The following PLAGL1 variants were observed in gnomAD, a reference collection of about 807,000 sequenced individuals.
The protein encoded by PLAGL1 is zinc finger protein PLAGL1.
A neutral mutation model predicts 4.6 loss-of-function variants in PLAGL1; 1 was observed. The observed-to-expected ratio is 0.22, with a 90% confidence interval of 0.08 to 1.03. The LOEUF (loss-of-function observed/expected upper bound fraction) is 1.03, where lower values mean the gene tolerates loss of function less well. Ranked by LOEUF, PLAGL1 falls within the 50% of genes least tolerant of loss-of-function variation. The pLI, the probability that PLAGL1 is intolerant of heterozygous loss-of-function variation, is 0.58. For synonymous variants in PLAGL1, 240 were observed against 237.8 expected (o/e 1.01, Z -0.08); for missense variants, 464 against 570.4 (o/e 0.81, Z 1.90).
rs1781446199 is a variant in PLAGL1 at position 143,953,302 on chromosome 6, A to G, written c.-324-4842T>C. 6.6e-6 allele frequency among the ~76,000 whole-genome samples: 1 copy of G among 152,226 alleles called. No homozygotes were observed. On this transcript the variant is annotated intron_variant, in intron 6 of 7. Transcript: ENST00000674357. This position sits in a 1 kb window ranked among gnomAD's most constrained non-coding sequence, Gnocchi z 5.3. The stretch of plus-strand genomic sequence containing the variant: ...TCTGCTCTGAGAGAGCCACCTGCTG[A>G]GCCATCAGGTTTGTTGCCTATAGAT...
chr6:143,991,242 A>G lies in PLAGL1; in HGVS notation c.-583-6068T>C, dbSNP rs540026565. 4.7e-4 allele frequency among the ~76,000 whole-genome samples: 72 copies of G among 152,308 alleles called. 1 individual carries two copies. The South Asian group carries it at 0.011, about 24-fold the overall frequency. Reference sequence around the variant, plus strand: ...TGATGAGGATTTTAATTTACCATACATCTAAATATTTATGTTATAAATTAT... The same window carrying G: ...TGATGAGGATTTTAATTTACCATACGTCTAAATATTTATGTTATAAATTAT... On this transcript the variant is annotated intron_variant, in intron 1 of 7. Transcript: ENST00000674357.
chr6:143,982,836 G>A lies in PLAGL1; in HGVS notation c.-544+2299C>T, dbSNP rs563594544. Among the ~76,000 whole-genome samples, 1 of 152,256 alleles carries A rather than the reference G, an allele frequency of 6.6e-6. No homozygotes were observed. The highest frequency in any genetic ancestry group is 1.9e-4 in the East Asian group (1 of 5,186). On this transcript the variant is annotated intron_variant, in intron 2 of 7. Transcript: ENST00000674357. The surrounding 1 kb of genome is among the most constrained non-coding windows in gnomAD (Gnocchi z 5.3). ...TACTTAGGATGAAGGAAGTTTGGTT[G>A]GGAACAGAGAAGAACTCAGGAGCTC...
chr6:143,999,540 T>A (rs542499429), intron 1 of PLAGL1, among the ~76,000 whole-genome samples: 2 of 152,370 alleles, frequency 1.3e-5, no homozygotes, highest in Non-Finnish European at 2.9e-5. Context: ...ATGCAAGAGC[T>A]ATCTCTATCT....
Position 144,015,766 on chromosome 6 carries a change from G to A in PLAGL1, c.-150-46788C>T, listed in dbSNP as rs921191636. On this transcript the variant is annotated intron_variant, in intron 1 of 3. Coordinates refer to the PLAGL1 transcript ENST00000437412. The surrounding 1 kb of genome is among the most constrained non-coding windows in gnomAD (Gnocchi z 4.3). ...ACAATGTGGAAAAACTGGAACTCTC[G>A]CACATTGCTAGAAGAAATATAAAAT... Among the ~76,000 whole-genome samples, 4 of 152,104 alleles carry A rather than the reference G, an allele frequency of 2.6e-5. No individual in the cohort carries two copies. Among genetic ancestry groups the A allele is most frequent in the Middle Eastern group, 3.2e-3 (1 of 316 alleles).
At chr6:144,044,599 T>C (rs1362970692) in intron 1 of PLAGL1, among the ~76,000 whole-genome samples, 1 of 152,194 alleles carries the variant, frequency 6.6e-6, no homozygotes, top group African/African-American at 2.4e-5. Flanking sequence ...TACTTCCAAC[T>C]GGTCAACTTT....
In PLAGL1 at chr6:144,048,207, C is replaced by T. The variant is rs1173703790; in HGVS notation, c.-151+16261G>A. On this transcript the variant is annotated intron_variant, in intron 1 of 3. Coordinates refer to the PLAGL1 transcript ENST00000437412. This position sits in a 1 kb window ranked among gnomAD's most constrained non-coding sequence, Gnocchi z 4.8. Reference sequence around the variant, plus strand: ...TGGCTTTGCAGGGTACGGCCTCCCTCTTGGCTGCTTTCATGGGCTGGCATT... The same window carrying T: ...TGGCTTTGCAGGGTACGGCCTCCCTTTTGGCTGCTTTCATGGGCTGGCATT... 6.6e-6 allele frequency among the ~76,000 whole-genome samples: 1 copy of T among 152,244 alleles called. No individual in the cohort carries two copies. Among genetic ancestry groups the T allele is most frequent in the Non-Finnish European group, 1.5e-5 (1 of 68,032 alleles).
At chr6:143,998,843 C>T (rs1398691139) in intron 1 of PLAGL1, among the ~76,000 whole-genome samples, 3 of 152,000 alleles carry the variant, frequency 2.0e-5, no homozygotes, top group African/African-American at 7.3e-5. Context: ...GAGAGTGAAA[C>T]CTTTAGGGGC....
rs1361520310 is a variant in PLAGL1 at position 143,954,810 on chromosome 6, T to C, written c.-325+5659A>G. Among the ~76,000 whole-genome samples the C allele has an allele frequency of 1.3e-5, 2 of 152,182 alleles. No homozygotes were observed. Among genetic ancestry groups the C allele is most frequent in the African/African-American group, 2.4e-5 (1 of 41,438 alleles). ...ATTTATTTGCAGAGGAATGTCGATA[T>C]AGAAAATCCCAAAGAATCCACACAC... On this transcript the variant is annotated intron_variant, in intron 6 of 7. Transcript: ENST00000674357. The surrounding 1 kb of genome is among the most constrained non-coding windows in gnomAD (Gnocchi z 5.1).
At chr6:143,988,840 G>A (rs1011139418) in intron 1 of PLAGL1, among the ~76,000 whole-genome samples, 9 of 152,066 alleles carry the variant, frequency 5.9e-5, no homozygotes, top group African/African-American at 2.2e-4. Flanking sequence ...CATTCCTGAG[G>A]GCTCCACCCT....
In PLAGL1 at chr6:143,978,793, T is replaced by C. The variant is rs1382332070; in HGVS notation, c.-544+6342A>G. 1.3e-5 allele frequency among the ~76,000 whole-genome samples: 2 copies of C among 152,202 alleles called. No individual in the cohort carries two copies. Among genetic ancestry groups the C allele is most frequent in the Non-Finnish European group, 2.9e-5 (2 of 68,024 alleles). On this transcript the variant is annotated intron_variant, in intron 2 of 7. Transcript: ENST00000674357. This position sits in a 1 kb window ranked among gnomAD's most constrained non-coding sequence, Gnocchi z 4.6. ...AAAAAGTGTGCAGTTTGCTGTTGAG[T>C]AGCGTTCTATAAACGCCAATTAAGT...
chr6:144,021,573 T>G (rs1795980161), intron 1 of PLAGL1, among the ~76,000 whole-genome samples: 1 of 152,230 alleles, frequency 6.6e-6, no homozygotes, highest in South Asian at 2.1e-4. Flanking sequence ...AATAGTTTCC[T>G]CACCTACCTA....
chr6:144,003,737 A>T (rs1015276264), intron 1 of PLAGL1, among the ~76,000 whole-genome samples: 1 of 152,208 alleles, frequency 6.6e-6, no homozygotes, highest in South Asian at 2.1e-4. Context: ...AAAATCATTA[A>T]CAAAAAGGTA....
rs1795583053 is a variant in PLAGL1 at position 144,016,587 on chromosome 6, G to A, written c.-150-47609C>T. Among the ~76,000 whole-genome samples, 1 of 152,168 alleles carries A rather than the reference G, an allele frequency of 6.6e-6. No individual in the cohort carries two copies. On this transcript the variant is annotated intron_variant, in intron 1 of 3. Transcript: ENST00000437412. The surrounding 1 kb of genome is among the most constrained non-coding windows in gnomAD (Gnocchi z 4.2). ...AACACAAAATTATAGTCTTTCTAAAGCAGATCAATAGTTTTCTACAGTGGA... is the reference window on the plus strand; with the variant it reads ...AACACAAAATTATAGTCTTTCTAAAACAGATCAATAGTTTTCTACAGTGGA...
Position 144,061,961 on chromosome 6 carries a change from C to T in PLAGL1, c.-151+2507G>A, listed in dbSNP as rs992986020. Among the ~76,000 whole-genome samples, 4 of 152,252 alleles carry T rather than the reference C, an allele frequency of 2.6e-5. No individual in the cohort carries two copies. Among genetic ancestry groups the T allele is most frequent in the Admixed American group, 2.0e-4 (3 of 15,292 alleles). The stretch of plus-strand genomic sequence containing the variant: ...ATTATATTTACTATGAATGTAGGAC[C>T]CATTTTGAGCTTTTTCTTTTTTGTT... On this transcript the variant is annotated intron_variant, in intron 1 of 3. Coordinates refer to the PLAGL1 transcript ENST00000437412. This position sits in a 1 kb window ranked among gnomAD's most constrained non-coding sequence, Gnocchi z 4.4.
chr6:143,971,165 T>A lies in PLAGL1; in HGVS notation c.-543-2187A>T, dbSNP rs1454666695. ...TACCAATGATCAAAGTCATGGTAATTTTTCTGTTTCATGAGAAATCTAAAA... is the reference window on the plus strand; with the variant it reads ...TACCAATGATCAAAGTCATGGTAATATTTCTGTTTCATGAGAAATCTAAAA... On this transcript the variant is annotated intron_variant, in intron 2 of 7. Coordinates refer to ENST00000674357, the MANE Select transcript of PLAGL1 (RefSeq NM_001317162.2). The surrounding 1 kb of genome is among the most constrained non-coding windows in gnomAD (Gnocchi z 4.7). Among the ~76,000 whole-genome samples the A allele has an allele frequency of 1.3e-5, 2 of 152,114 alleles. No homozygotes were observed. Among genetic ancestry groups the A allele is most frequent in the African/African-American group, 2.4e-5 (1 of 41,420 alleles).
rs931992595 is a variant in PLAGL1, at chr6:143,949,133, A to T, written c.-324-673T>A. On this transcript the variant is annotated intron_variant, in intron 6 of 7. Coordinates refer to ENST00000674357, the MANE Select transcript of PLAGL1 (RefSeq NM_001317162.2). This position sits in a 1 kb window ranked among gnomAD's most constrained non-coding sequence, Gnocchi z 5.3. The stretch of plus-strand genomic sequence containing the variant: ...TAGGCACCATCCTCTAGTAAGTTCT[A>T]CTAATCTCTTCCTTTTTTGTTTATG... Among the ~76,000 whole-genome samples, 3 of 152,192 alleles carry T rather than the reference A, an allele frequency of 2.0e-5. No individual in the cohort carries two copies. The highest frequency in any genetic ancestry group is 7.2e-5 in the African/African-American group (3 of 41,450).
chr6:144,008,289 C>G (rs1794783907), upstream of PLAGL1: 2 of 151,942 alleles, frequency 1.3e-5, no homozygotes, highest in Non-Finnish European at 2.9e-5. The surrounding 1 kb of genome is among the most constrained non-coding windows in gnomAD (Gnocchi z 6.9). Context: ...GTGTCTAAAT[C>G]AAGGCTCGGG....
intron 1 of PLAGL1, among the ~76,000 whole-genome samples, chr6:144,031,957 C>T (rs910509543): frequency 2.6e-5 from 4 of 152,130 alleles, no homozygotes; most frequent in South Asian, 2.1e-4. Context: ...ATCAATTTCA[C>T]AATATTAATT....
At chr6:143,951,428 G>A (rs928914163) in intron 6 of PLAGL1, among the ~76,000 whole-genome samples, 3 of 152,206 alleles carry the variant, frequency 2.0e-5, no homozygotes, top group African/African-American at 7.2e-5. Context: ...CGTGTAGAAA[G>A]GACACAAGAG....
Sources: gnomAD v4.1 joint callset for allele counts (sites outside exome capture counted in the v4.1 genomes callset) on GRCh38, gnomAD v4.1.1 for gene constraint, Gnocchi (gnomAD v3.1) non-coding constraint, MANE v1.5 for transcripts, NCBI Gene and HGNC (gene_info 2026-07-23, HGNC 2026-07-21) for gene names.